Variants in KIF4A observed in about 807,000 individuals in gnomAD.
The protein encoded by KIF4A is chromosome-associated kinesin KIF4A.
KIF4A carries 7 observed loss-of-function variants against 105.9 expected under a neutral mutation model. That is an observed-to-expected ratio of 0.07 (90% CI 0.04 to 0.12). The LOEUF is 0.12. Among genes scored for constraint, KIF4A ranks in the 10% least tolerant of loss-of-function variants. The probability of loss-of-function intolerance (pLI) is 1.00; values close to 1 mark genes in which losing one functional copy is unlikely to be tolerated. For synonymous variants in KIF4A, 281 were observed against 331.3 expected, an observed-to-expected ratio of 0.85 and a Z score of 1.65; for missense variants, 558 against 929.2, an observed-to-expected ratio of 0.60 and a Z score of 5.19.
chrX:70,388,855 A>G (rs1792990877), intron 20 of KIF4A, among the ~76,000 whole-genome samples: 1 of 112,280 alleles, frequency 8.9e-6, no homozygotes, highest in Non-Finnish European at 1.9e-5. Flanking sequence ...GCCCTTTTCA[A>G]TTTGTAACAG....
In KIF4A at chrX:70,366,235, G is replaced by A. The variant is rs771184063; in HGVS notation, c.1675-7916G>A. Among the ~76,000 whole-genome samples the A allele has an allele frequency of 3.1e-3, 339 of 110,616 alleles. 2 individuals carry two copies. Among genetic ancestry groups the A allele is most frequent in the African/African-American group, 0.011 (331 of 30,443 alleles). ...CATTGATTTTTTTGAAGGGTTTTTTGTGTCTCTATTTCCTTCATTTCTGCT... is the reference window on the plus strand; with the variant it reads ...CATTGATTTTTTTGAAGGGTTTTTTATGTCTCTATTTCCTTCATTTCTGCT... On this transcript the variant is annotated intron_variant, in intron 15 of 30. Coordinates refer to ENST00000374403, the MANE Select transcript of KIF4A (RefSeq NM_012310.5).
chrX:70,379,949 C>G (rs1288768056), intron 18 of KIF4A, among the ~76,000 whole-genome samples: 2 of 111,304 alleles, frequency 1.8e-5, no homozygotes, highest in African/African-American at 6.5e-5. Context: ...ACCAATATAT[C>G]TTAATATAGG....
intron 10 of KIF4A, among the ~76,000 whole-genome samples, chrX:70,337,136 T>C (rs957878274): frequency 2.7e-5 from 3 of 112,285 alleles, no homozygotes; most frequent in Non-Finnish European, 5.6e-5. Flanking sequence ...ATTCATCCAT[T>C]GATGGACACT....
At chrX:70,291,640 G>A (rs1030480988) in intron 3 of KIF4A, among the ~76,000 whole-genome samples, 5 of 111,756 alleles carry the variant, frequency 4.5e-5, no homozygotes, top group South Asian at 3.8e-4. Flanking sequence ...ACAGAGGTTC[G>A]TTTAAAAGAA....
chrX:70,407,779 A>T (rs761388480), intron 28 of KIF4A, among the ~76,000 whole-genome samples: 1 of 112,554 alleles, frequency 8.9e-6, no homozygotes, highest in African/African-American at 3.2e-5. Flanking sequence ...CAAAAAATCC[A>T]GTGAAGGGCC....
chrX:70,419,159 G>A (rs1946211570), intron 29 of KIF4A, among the ~76,000 whole-genome samples: 1 of 111,260 alleles, frequency 9.0e-6, no homozygotes, highest in African/African-American at 3.3e-5. Context: ...AAGTAGCAGA[G>A]ACCTTAAGGA....
At chrX:70,348,358 T>G (rs776503476) in intron 13 of KIF4A, among the ~76,000 whole-genome samples, 7 of 111,053 alleles carry the variant, frequency 6.3e-5, no homozygotes, top group African/African-American at 2.3e-4. Flanking sequence ...TGTTTTTTTG[T>G]TTTTTTTAGT....
chrX:70,290,622 A>C, intron 2 of KIF4A, 44 bp downstream of exon 2: 1 of 1,208,272 alleles, frequency 8.3e-7, no homozygotes. Flanking sequence ...AGCTGGGGCC[A>C]AATGGTAACG....
chrX:70,307,721 A>G (rs752171616), intron 7 of KIF4A, among the ~76,000 whole-genome samples: 1 of 112,004 alleles, frequency 8.9e-6, no homozygotes, highest in African/African-American at 3.2e-5. Context: ...TTGATATGGT[A>G]TACTGCATTA....
Position 70,404,844 on chromosome X carries a change from A to G in KIF4A, c.2898+22A>G, listed in dbSNP as rs1227119122. On this transcript the variant is annotated intron_variant, in intron 25 of 30. Coordinates refer to ENST00000374403, the MANE Select transcript of KIF4A (RefSeq NM_012310.5). The stretch of plus-strand genomic sequence containing the variant: ...TCAGGTATGATCACGAGAGGTCTCC[A>G]GAGATGAGTTTCACAGTACTAACTG... 3.8e-6 allele frequency: 4 copies of G among 1,043,225 alleles called. No homozygotes were observed. In the African/African-American group the frequency reaches 7.4e-5, roughly 19 times the overall value. The allele number at this position is 1,043,225 out of a possible 1,213,427, so 86.0% of individuals were successfully genotyped here. A position where few individuals can be genotyped will look rare whatever the true frequency, so the allele number is the denominator to read the frequency against.
intron 15 of KIF4A, among the ~76,000 whole-genome samples, chrX:70,359,215 CA>C (rs1426424046): frequency 9.0e-6 from 1 of 111,471 alleles, no homozygotes; most frequent in Non-Finnish European, 1.9e-5. Context: ...CTTTTTTGTT[CA>C]TTTTCATGTG....
chrX:70,352,058 T>G (rs2086033189), intron 13 of KIF4A, among the ~76,000 whole-genome samples: 1 of 112,316 alleles, frequency 8.9e-6, no homozygotes, highest in Non-Finnish European at 1.9e-5. Flanking sequence ...CGTGCCTGGC[T>G]AGGCATTTAT....
At chrX:70,366,584 T>A (rs984526433) in intron 15 of KIF4A, among the ~76,000 whole-genome samples, 1 of 112,207 alleles carries the variant, frequency 8.9e-6, no homozygotes, top group Non-Finnish European at 1.9e-5. Context: ...TAATCCTGAG[T>A]TCTAATTTGA....
At chrX:70,299,050 C>T in intron 4 of KIF4A, 63 bp from the exon 5 acceptor site, 3 of 876,473 alleles carry the variant, frequency 3.4e-6, no homozygotes. Context: ...CCTATGATCT[C>T]ACCACCCAGA....
intron 9 of KIF4A, among the ~76,000 whole-genome samples, chrX:70,331,010 T>C (rs1295972831): frequency 2.7e-5 from 3 of 111,643 alleles, no homozygotes; most frequent in Admixed American, 9.5e-5. Flanking sequence ...TGCATATACA[T>C]AGGAACAGCT....
intron 18 of KIF4A, among the ~76,000 whole-genome samples, chrX:70,380,660 C>G (rs769510950): frequency 9.0e-6 from 1 of 111,676 alleles, no homozygotes; most frequent in Admixed American, 9.6e-5. Flanking sequence ...TCAACATTGT[C>G]CTGGAGGTTC....
intron 20 of KIF4A, 138 bp from the exon 21 acceptor site, chrX:70,395,533 T>C: frequency 1.5e-6 from 1 of 681,912 alleles, no homozygotes; most frequent in East Asian, 3.5e-5. Flanking sequence ...ACATTTTTGG[T>C]AAGTGTAGGT....
At chrX:70,387,583 T>C (rs1203212872) in intron 20 of KIF4A, among the ~76,000 whole-genome samples, 1 of 111,916 alleles carries the variant, frequency 8.9e-6, no homozygotes, top group East Asian at 2.8e-4. Context: ...AAGTTCACAA[T>C]TTGGCCGGGC....
At chrX:70,349,773 G>A (rs1423119507) in intron 13 of KIF4A, among the ~76,000 whole-genome samples, 1 of 85,349 alleles carries the variant, frequency 1.2e-5, no homozygotes, top group African/African-American at 4.8e-5. Context: ...CCCAGACGGG[G>A]CGGCCGGGCA....
Sources: allele counts gnomAD v4.1 joint callset (sites outside exome capture counted in the v4.1 genomes callset), GRCh38; gene constraint gnomAD v4.1.1; transcripts MANE v1.5; gene names NCBI Gene and HGNC (gene_info 2026-07-23, HGNC 2026-07-21).